The following NDUFAF2 variants were observed in gnomAD, a reference collection of about 807,000 sequenced individuals.
NDUFAF2 encodes the protein NADH:ubiquinone oxidoreductase complex assembly factor 2, also known as NADH dehydrogenase [ubiquinone] 1 alpha subcomplex assembly factor 2.
In NDUFAF2, 13 loss-of-function variants were observed where a neutral mutation model predicts 22.8. The observed-to-expected ratio is 0.57, with a 90% confidence interval of 0.37 to 0.91. The LOEUF is 0.91. Among genes scored for constraint, NDUFAF2 ranks in the 40% least tolerant of loss-of-function variants. The pLI, the probability that NDUFAF2 is intolerant of heterozygous loss-of-function variation, is 0.01. For synonymous variants in NDUFAF2, 53 were observed against 64.2 expected (o/e 0.83, Z 0.84); for missense variants, 162 against 195.2 (o/e 0.83, Z 1.01).
At chr5:61,052,931 C>T (rs1167685868) in intron 1 of NDUFAF2, among the ~76,000 whole-genome samples, 3 of 152,178 alleles carry the variant, frequency 2.0e-5, no homozygotes. Context: ...TTTCCTTCTT[C>T]GTGGATACAC....
At chr5:61,099,883 C>G (rs187591872) in intron 3 of NDUFAF2, among the ~76,000 whole-genome samples, 3 of 152,178 alleles carry the variant, frequency 2.0e-5, no homozygotes, top group Admixed American at 6.6e-5. Flanking sequence ...TACTCAATCC[C>G]CATTTGTTGG....
intron 1 of NDUFAF2, among the ~76,000 whole-genome samples, chr5:60,964,823 T>C (rs2112569603): frequency 6.6e-6 from 1 of 152,238 alleles, no homozygotes; most frequent in Admixed American, 6.5e-5. Context: ...TCAAAGAATG[T>C]TCATATCCTT....
intron 3 of NDUFAF2, among the ~76,000 whole-genome samples, chr5:61,135,989 A>G: frequency 1.5e-5 from 2 of 134,808 alleles, no homozygotes; most frequent in Admixed American, 7.2e-5. Context: ...CTTGGTCCCT[A>G]CATCTAAGCC....
intron 2 of NDUFAF2, among the ~76,000 whole-genome samples, chr5:61,075,974 CAA>C (rs749551431): frequency 4.6e-5 from 7 of 152,174 alleles, no homozygotes; most frequent in Non-Finnish European, 1.0e-4. Flanking sequence ...GGGAGAAAGA[CAA>C]TACACCAGAT....
chr5:61,152,567 C>G (rs542884483), intron 3 of NDUFAF2, 137 bp from the exon 4 acceptor site: 1 of 562,472 alleles, frequency 1.8e-6, no homozygotes, highest in Non-Finnish European at 2.8e-6. Flanking sequence ...ATATACATAT[C>G]TGTATATTAT....
chr5:60,958,312 A>G (rs1441067101), intron 1 of NDUFAF2, among the ~76,000 whole-genome samples: 1 of 152,158 alleles, frequency 6.6e-6, no homozygotes, highest in Non-Finnish European at 1.5e-5. Context: ...AATAAATTCA[A>G]TTGGGTTTTG....
chr5:61,103,061 A>G (rs547995792), intron 3 of NDUFAF2, among the ~76,000 whole-genome samples: 1 of 152,276 alleles, frequency 6.6e-6, no homozygotes, highest in East Asian at 1.9e-4. Context: ...TCAAACATAC[A>G]TATACCCTGT....
intron 1 of NDUFAF2, among the ~76,000 whole-genome samples, chr5:61,058,204 A>G (rs1752122953): frequency 6.6e-6 from 1 of 152,104 alleles, no homozygotes. Flanking sequence ...GGCTTGGCCC[A>G]AGCTTTTCAC....
intron 3 of NDUFAF2, among the ~76,000 whole-genome samples, chr5:61,124,807 C>T (rs541025625): frequency 1.7e-4 from 26 of 151,986 alleles, no homozygotes; most frequent in Non-Finnish European, 3.2e-4. Flanking sequence ...TACATTAGTT[C>T]GTTTTCACAT....
intron 1 of NDUFAF2, among the ~76,000 whole-genome samples, chr5:60,964,799 C>G (rs1232266705): frequency 1.3e-5 from 2 of 152,120 alleles, no homozygotes; most frequent in African/African-American, 4.8e-5. Flanking sequence ...AACTCTTGAA[C>G]TTACTCCGTC....
intron 3 of NDUFAF2, among the ~76,000 whole-genome samples, chr5:61,118,562 C>G (rs1025121546): frequency 1.3e-5 from 2 of 151,896 alleles, no homozygotes; most frequent in Admixed American, 6.6e-5. Context: ...GAGGACTAGC[C>G]TTGCCAATTA....
intron 1 of NDUFAF2, among the ~76,000 whole-genome samples, chr5:61,041,681 T>C (rs771769874): frequency 4.6e-5 from 7 of 152,206 alleles, no homozygotes; most frequent in Non-Finnish European, 4.4e-5. Flanking sequence ...GCATCACTTG[T>C]AATGGTTAAA....
At chr5:60,977,069 A>T (rs2112576202) in intron 1 of NDUFAF2, among the ~76,000 whole-genome samples, 1 of 152,258 alleles carries the variant, frequency 6.6e-6, no homozygotes, top group South Asian at 2.1e-4. Flanking sequence ...TCTGTAATAA[A>T]GTATTAAGTA....
chr5:60,972,447 C>T (rs528182362), intron 1 of NDUFAF2, among the ~76,000 whole-genome samples: 3 of 152,210 alleles, frequency 2.0e-5, no homozygotes, highest in African/African-American at 7.2e-5. Flanking sequence ...TTGTAAGGGA[C>T]TTCCCCCTCT....
At chr5:60,961,260 G>T (rs1045648788) in intron 1 of NDUFAF2, among the ~76,000 whole-genome samples, 5 of 151,254 alleles carry the variant, frequency 3.3e-5, no homozygotes, top group Non-Finnish European at 7.4e-5. Context: ...AGGAGTTCAA[G>T]ATCAGCCAGG....
At chr5:61,078,652 G>A (rs1752398721) in intron 2 of NDUFAF2, among the ~76,000 whole-genome samples, 1 of 152,028 alleles carries the variant, frequency 6.6e-6, no homozygotes, top group South Asian at 2.1e-4. Flanking sequence ...GAGGTGGAAG[G>A]ATTGCTTAAG....
At chr5:61,149,720 T>G (rs1448172848) in intron 3 of NDUFAF2, among the ~76,000 whole-genome samples, 2 of 152,194 alleles carry the variant, frequency 1.3e-5, no homozygotes, top group Non-Finnish European at 2.9e-5. Context: ...ACACAAACAC[T>G]GAAACATACT....
intron 1 of NDUFAF2, among the ~76,000 whole-genome samples, chr5:60,967,459 A>G (rs1410990785): frequency 6.6e-6 from 1 of 151,972 alleles, no homozygotes; most frequent in Non-Finnish European, 1.5e-5. Flanking sequence ...ACTGTTGAGT[A>G]TGTTAACTAT....
At chr5:60,979,621 G>A (rs1392209483) in intron 1 of NDUFAF2, among the ~76,000 whole-genome samples, 1 of 152,092 alleles carries the variant, frequency 6.6e-6, no homozygotes, top group Non-Finnish European at 1.5e-5. Flanking sequence ...TTGTCTTGTG[G>A]CTCAGGTGCC....
Sources: gnomAD v4.1 joint callset for allele counts (sites outside exome capture counted in the v4.1 genomes callset) on GRCh38, gnomAD v4.1.1 for gene constraint, MANE v1.5 for transcripts, NCBI Gene and HGNC (gene_info 2026-07-23, HGNC 2026-07-21) for gene names.